Variants in ZNF195 observed in about 807,000 individuals in gnomAD.
ZNF195 encodes the protein hypoxia-regulated factor-1.
In ZNF195, 11 loss-of-function variants were observed where a neutral mutation model predicts 19.5. The ratio of observed to expected loss-of-function variants is 0.57; its 90% CI spans 0.36 to 0.94. ZNF195 has a LOEUF of 0.94. ZNF195 is among the 40% of genes least tolerant of loss of function. The probability of loss-of-function intolerance (pLI) is 0.01; values close to 1 mark genes in which losing one functional copy is unlikely to be tolerated. For synonymous variants in ZNF195, 214 were observed against 248.1 expected (o/e 0.86, Z 1.29); for missense variants, 582 against 709.0 (o/e 0.82, Z 2.03).
intron 4 of ZNF195, among the ~76,000 whole-genome samples, chr11:3,361,195 C>T (rs1848617212): frequency 6.6e-6 from 1 of 152,132 alleles, no homozygotes; most frequent in Non-Finnish European, 1.5e-5. Context: ...AAGACACATC[C>T]CAGAACAGGC....
At chr11:3,368,499 A>G (rs1294399917) in intron 3 of ZNF195, among the ~76,000 whole-genome samples, 2 of 152,238 alleles carry the variant, frequency 1.3e-5, no homozygotes, top group Non-Finnish European at 2.9e-5. Flanking sequence ...AAATTCTGCT[A>G]AAGACCAAGA....
chr11:3,358,913 C>A lies in ZNF195; in HGVS notation c.*205G>T, dbSNP rs980351840. The A allele has an allele frequency of 9.9e-6, 6 of 605,790 alleles. No individual in the cohort carries two copies. Among genetic ancestry groups the A allele is most frequent in the Admixed American group, 4.0e-5 (1 of 25,136 alleles). The allele number at this position is 605,790 out of a possible 1,614,324, so 37.5% of individuals were successfully genotyped here. A position where few individuals can be genotyped will look rare whatever the true frequency, so the allele number is the denominator to read the frequency against. ...ACAAATTTTCTGAAAGTTTAAGCAACTGATGCAAGTCTTCCATCTAGTATA... is the reference window on the plus strand; with the variant it reads ...ACAAATTTTCTGAAAGTTTAAGCAAATGATGCAAGTCTTCCATCTAGTATA... On this transcript the variant is annotated 3_prime_UTR_variant, in exon 6 of 6. Coordinates refer to ENST00000399602, the MANE Select transcript of ZNF195 (RefSeq NM_001130520.3).
In ZNF195 at chr11:3,359,685, G is replaced by A. The variant is rs775297011; in HGVS notation, c.1323C>T (p.Asp441=). The A allele has an allele frequency of 1.5e-5, 24 of 1,614,070 alleles. No individual in the cohort carries two copies. The highest frequency in any genetic ancestry group is 4.5e-5 in the East Asian group (2 of 44,862). Residue 441 remains aspartate (D), a synonymous_variant, in exon 6 of 6, where the codon GAC becomes GAT. Coordinates refer to ENST00000399602, the MANE Select transcript of ZNF195 (RefSeq NM_001130520.3). The surrounding 1 kb of genome is among the most constrained non-coding windows in gnomAD (Gnocchi z 5.5). ...IHTGEKPYKC[D]ECGKAYTQSS... ...ACTGTGTATAGGCTTTCCCACATTCGTCACATTTGTATGGTTTCTCACCAG... is the reference window on the plus strand; with the variant it reads ...ACTGTGTATAGGCTTTCCCACATTCATCACATTTGTATGGTTTCTCACCAG...
chr11:3,360,791 A>G lies in ZNF195; in HGVS notation c.374-3T>C, dbSNP rs1324890712. ...CAGCACCCCAGGTGAGCACAGTGCTAGGAGCCAGATAAGAAGAAAAACAGT... is the reference window on the plus strand; with the variant it reads ...CAGCACCCCAGGTGAGCACAGTGCTGGGAGCCAGATAAGAAGAAAAACAGT... On this transcript the variant is annotated splice_polypyrimidine_tract_variant and splice_region_variant and intron_variant, in intron 4 of 5. Coordinates refer to ENST00000399602, the MANE Select transcript of ZNF195 (RefSeq NM_001130520.3). 7.1e-6 allele frequency: 11 copies of G among 1,551,120 alleles called. No individual in the cohort carries two copies. The highest frequency in any genetic ancestry group is 9.6e-6 in the Non-Finnish European group (11 of 1,146,786).
Position 3,358,762 on chromosome 11 carries a change from G to GTACGTGCTCTAT in ZNF195, c.*355_*356insATAGAGCACGTA. 2 of 75,916 alleles carry GTACGTGCTCTAT rather than the reference G, an allele frequency of 2.6e-5. No individual in the cohort carries two copies. Among genetic ancestry groups the GTACGTGCTCTAT allele is most frequent in the Non-Finnish European group, 4.5e-5 (2 of 44,814 alleles). The allele number at this position is 75,916 out of a possible 1,614,324, so 4.7% of individuals were successfully genotyped here. ...GGGATTCAGTGTCATTTCTGAACGT[G>GTACGTGCTCTAT]TCCTTGCTTATTTTTCCCATTTAGT... On this transcript the variant is annotated 3_prime_UTR_variant, in exon 6 of 6. Transcript: ENST00000399602.
Position 3,361,808 on chromosome 11 carries a change from G to A in ZNF195, c.308C>T (p.Ala103Val), listed in dbSNP as rs374927318. The change falls in exon 4 of 6, where the codon GCT becomes GTT. Residue 103 changes from alanine to valine, a missense_variant. Physicochemically the swap from Ala to Val is moderately conservative, Grantham distance 64. Around this residue, in one of 3 missense-constraint regions of ZNF195, gnomAD observed 129 missense variants for 112.1 expected, o/e 1.15. Transcript: ENST00000399602. Reference protein sequence around the residue: ...SDLPASASQSAGITGVNHRAQ... With the variant: ...SDLPASASQSVGITGVNHRAQ... ...ACGGTGGTTCACACCTGTAATCCCA[G>A]CACTTTGGGAGGCTGAGGCAGGCAG... is the stretch of plus-strand genomic sequence containing the variant. 11 of 991,242 alleles carry A rather than the reference G, an allele frequency of 1.1e-5. No individual in the cohort carries two copies. The African/African-American group carries it at 1.5e-4, about 14-fold the overall frequency. 61.4% of individuals were successfully genotyped at this position (991,242 alleles called of 1,614,324 possible). A position where few individuals can be genotyped will look rare whatever the true frequency, so the allele number is the denominator to read the frequency against.
At chr11:3,374,936 G>T (rs996200443) in intron 1 of ZNF195, among the ~76,000 whole-genome samples, 9 of 152,328 alleles carry the variant, frequency 5.9e-5, no homozygotes, top group African/African-American at 1.4e-4. Flanking sequence ...AAAAATTAAG[G>T]CTCCAAAATA....
chr11:3,367,063 T>TA (rs745424546), intron 3 of ZNF195: 4,959 of 148,002 alleles, frequency 0.034, 49 homozygotes, highest in African/African-American at 0.074. Flanking sequence ...AAACTCTGTG[T>TA]AAAAAAAAAA....
intron 1 of ZNF195, among the ~76,000 whole-genome samples, chr11:3,372,301 T>C (rs1456554972): frequency 1.3e-5 from 2 of 152,232 alleles, no homozygotes; most frequent in African/African-American, 4.8e-5. Flanking sequence ...ATGTGATTAT[T>C]TATGCACATT....
At chr11:3,373,504 G>C in intron 1 of ZNF195, 1 of 1,228,258 alleles carries the variant, frequency 8.1e-7, no homozygotes, top group South Asian at 1.3e-5. Flanking sequence ...GAGAAGTAAA[G>C]GTTTCCAAAT....
At chr11:3,374,519 C>T (rs1849361013) in intron 1 of ZNF195, among the ~76,000 whole-genome samples, 1 of 152,218 alleles carries the variant, frequency 6.6e-6, no homozygotes, top group Non-Finnish European at 1.5e-5. Flanking sequence ...ATTTGGAAAA[C>T]AATGTGTACA....
At chr11:3,363,198 C>G (rs1353228361) in intron 3 of ZNF195, 1 of 152,110 alleles carries the variant, frequency 6.6e-6, no homozygotes. Context: ...AAACAGACAG[C>G]AATATAATAT....
chr11:3,361,666 C>G, intron 4 of ZNF195, 77 bp downstream of exon 4: 3 of 1,222,092 alleles, frequency 2.5e-6, no homozygotes, highest in Non-Finnish European at 3.2e-6. Flanking sequence ...ATTATAACCA[C>G]AGTTTCCAAA....
At chr11:3,368,715 C>A in intron 3 of ZNF195, 1 of 367,048 alleles carries the variant, frequency 2.7e-6, no homozygotes, top group South Asian at 2.1e-5. Flanking sequence ...GGTATGCGAA[C>A]AGAGAGGAAA....
rs867222774 is a variant in ZNF195 at position 3,371,679 on chromosome 11, C to A, written c.28G>T (p.Ala10Ser). 4 of 1,611,020 alleles carry A rather than the reference C, an allele frequency of 2.5e-6. No homozygotes were observed. Among genetic ancestry groups the A allele is most frequent in the Non-Finnish European group, 3.4e-6 (4 of 1,178,228 alleles). Reference sequence around the variant, plus strand: ...CACTCCTCCAGGGAGAATTCTATGGCCACATCCCTGAACGTCAACAGAGTC... The same window carrying A: ...CACTCCTCCAGGGAGAATTCTATGGACACATCCCTGAACGTCAACAGAGTC... MTLLTFRDV[A>S]IEFSLEEWKC... The change falls in exon 2 of 6, where the codon GCC becomes TCC. Residue 10 changes from alanine (A) to serine (S), a missense_variant. Transcript: ENST00000399602.
At chr11:3,367,770 T>C (rs16925233) in intron 3 of ZNF195, among the ~76,000 whole-genome samples, 19,698 of 152,044 alleles carry the variant, frequency 0.13, 1,699 homozygotes, top group East Asian at 0.42. Context: ...AATAGGATAA[T>C]TTAATCAATG....
Position 3,373,480 on chromosome 11 carries a change from A to G in ZNF195, c.4-1777T>C, listed in dbSNP as rs184494131. On this transcript the variant is annotated intron_variant, in intron 1 of 5. Coordinates refer to ENST00000399602, the MANE Select transcript of ZNF195 (RefSeq NM_001130520.3). ...TAGTTGAAACAAACTTACTATGGAG[A>G]AACACCACAAGTAGAGAAGTAAAGG... 992 of 948,608 alleles carry G rather than the reference A, an allele frequency of 1.0e-3. 8 individuals are homozygous for G. Among genetic ancestry groups the G allele is most frequent in the Non-Finnish European group, 4.9e-4 (295 of 601,082 alleles). The allele number at this position is 948,608 out of a possible 1,614,324, so 58.8% of individuals were successfully genotyped here.
intron 3 of ZNF195, among the ~76,000 whole-genome samples, chr11:3,370,759 A>G (rs1476758376): frequency 6.6e-6 from 1 of 152,240 alleles, no homozygotes; most frequent in Non-Finnish European, 1.5e-5. Flanking sequence ...TGTAACCTTT[A>G]TAAAGGAAGA....
At chr11:3,371,485 T>G in intron 2 of ZNF195, 92 bp downstream of exon 2, 1 of 1,538,638 alleles carries the variant, frequency 6.5e-7, no homozygotes, top group Non-Finnish European at 8.9e-7. Flanking sequence ...AACTCATTCA[T>G]GCAACGCAGA....
Sources: gnomAD v4.1 joint callset for allele counts (sites outside exome capture counted in the v4.1 genomes callset) on GRCh38, gnomAD v4.1.1 for gene constraint, gnomAD v4.1.1 regional missense constraint, Gnocchi (gnomAD v3.1) non-coding constraint, MANE v1.5 for transcripts, NCBI Gene and HGNC (gene_info 2026-07-23, HGNC 2026-07-21) for gene names.